PARK7: variants seen among roughly 807,000 people sequenced by gnomAD.
PARK7 encodes Parkinson disease protein 7.
A neutral mutation model predicts 20.5 loss-of-function variants in PARK7; 14 were observed. The ratio of observed to expected loss-of-function variants is 0.68; its 90% CI spans 0.45 to 1.07. The LOEUF is 1.07. Ranked by LOEUF, PARK7 falls within the 50% of genes least tolerant of loss-of-function variation. The pLI is 0.00. For missense variants in PARK7, 234 were observed against 238.1 expected (o/e 0.98, Z 0.11); for synonymous variants, 98 against 84.3 (o/e 1.16, Z -0.89).
chr1:7,978,293 G>A (rs1640629802), intron 6 of PARK7, among the ~76,000 whole-genome samples: 2 of 151,568 alleles, frequency 1.3e-5, no homozygotes, highest in South Asian at 4.2e-4. Flanking sequence ...ACCGCGCCCA[G>A]TCTCGAACTC....
chr1:7,964,485 C>G (rs1640285159), intron 2 of PARK7, among the ~76,000 whole-genome samples: 1 of 152,216 alleles, frequency 6.6e-6, no homozygotes, highest in Non-Finnish European at 1.5e-5. Context: ...TGGTGTTGCA[C>G]TGAATGCCAC....
chr1:7,970,449 G>A (rs191339340), intron 4 of PARK7, among the ~76,000 whole-genome samples: 366 of 152,320 alleles, frequency 2.4e-3, no homozygotes, highest in African/African-American at 8.4e-3. Context: ...TAAGTCGTAT[G>A]TGAGGAGTCA....
rs753966136 is a variant in PARK7, at chr1:7,970,877, G to T, written c.253-17G>T. ...CTTAATGATAACTTTATGTATTTTT[G>T]GTTTTCTTTTCACTAGTCTGCTGCT... On this transcript the variant is annotated splice_polypyrimidine_tract_variant and intron_variant, in intron 4 of 6. Coordinates refer to ENST00000338639, the MANE Select transcript of PARK7 (RefSeq NM_007262.5). 1.2e-6 allele frequency: 2 copies of T among 1,613,612 alleles called. No individual in the cohort carries two copies. The highest frequency in any genetic ancestry group is 2.7e-5 in the African/African-American group (2 of 74,896).
In PARK7 at chr1:7,985,227, G is replaced by T. The variant is rs1640796039; in HGVS notation, c.*173G>T. 1.2e-6 allele frequency: 1 copy of T among 852,480 alleles called. No individual in the cohort carries two copies. Among genetic ancestry groups the T allele is most frequent in the Admixed American group, 2.1e-5 (1 of 47,112 alleles). 52.8% of individuals were successfully genotyped at this position (852,480 alleles called of 1,614,324 possible). ...ACAGAGATTTCTCAGCCTACAAATT[G>T]TGTCTATACATTTCTAAGCCTTGTT... On this transcript the variant is annotated 3_prime_UTR_variant, in exon 7 of 7. Coordinates refer to ENST00000338639, the MANE Select transcript of PARK7 (RefSeq NM_007262.5).
chr1:7,969,452 A>G (rs776103438), intron 4 of PARK7, 48 bp downstream of exon 4: 75 of 1,242,154 alleles, frequency 6.0e-5, no homozygotes, highest in Middle Eastern at 5.8e-4. Context: ...GGGGGGGGGA[A>G]AAACTAAAGA....
intron 6 of PARK7, among the ~76,000 whole-genome samples, chr1:7,982,140 A>G (rs1640725445): frequency 6.7e-6 from 1 of 149,652 alleles, no homozygotes. Flanking sequence ...AGGCCCAGCT[A>G]ATTTTTGTAT....
chr1:7,981,257 G>A (rs976466465), intron 6 of PARK7, among the ~76,000 whole-genome samples: 2 of 152,184 alleles, frequency 1.3e-5, no homozygotes, highest in Non-Finnish European at 2.9e-5. Flanking sequence ...CCTGCTTCAG[G>A]ATTGTTGGTG....
intron 5 of PARK7, among the ~76,000 whole-genome samples, chr1:7,974,134 A>ACACCCCCCCCC (rs1553123768): frequency 7.7e-6 from 1 of 129,076 alleles, no homozygotes; most frequent in Non-Finnish European, 1.7e-5. Context: ...ACATAGTGAG[A>ACACCCCCCCCC]CCCCCCCACC....
chr1:7,963,742 C>T (rs1349210303), intron 2 of PARK7, among the ~76,000 whole-genome samples: 2 of 151,912 alleles, frequency 1.3e-5, no homozygotes, highest in Non-Finnish European at 2.9e-5. Context: ...TTGTAAATTT[C>T]TCCAATCCTA....
chr1:7,977,298 T>C (rs1400583940), intron 5 of PARK7, among the ~76,000 whole-genome samples: 1 of 152,228 alleles, frequency 6.6e-6, no homozygotes, highest in Non-Finnish European at 1.5e-5. Flanking sequence ...TAAATGGTTA[T>C]TGAAGTATTT....
intron 6 of PARK7, 76 bp downstream of exon 6, chr1:7,977,814 C>A: frequency 7.7e-7 from 1 of 1,298,426 alleles, no homozygotes; most frequent in Non-Finnish European, 1.1e-6. Context: ...GGCTGGAGTG[C>A]AGTGGCGTGA....
intron 6 of PARK7, among the ~76,000 whole-genome samples, chr1:7,982,640 C>T (rs971827408): frequency 4.6e-5 from 7 of 152,192 alleles, no homozygotes; most frequent in Admixed American, 4.6e-4. Flanking sequence ...AGTTGTGCCT[C>T]GCGTTGTCCC....
At chr1:7,965,250 C>CT (rs1040994963) in intron 2 of PARK7, 74 bp from the exon 3 acceptor site, 2,012 of 1,344,630 alleles carry the variant, frequency 1.5e-3, no homozygotes, top group Non-Finnish European at 1.8e-3. Context: ...TCTCTTTTTT[C>CT]TTTTTTTTTA....
Position 7,978,888 on chromosome 1 carries a change from T to G in PARK7, c.409+1150T>G, listed in dbSNP as rs900280665. ...AAGTTTCTTGTGTACCTGTAGAATT[T>G]TATCTATCACATACTCATTATCCTT... is the stretch of plus-strand genomic sequence containing the variant. On this transcript the variant is annotated intron_variant, in intron 6 of 6. Transcript: ENST00000338639. 3.9e-5 allele frequency among the ~76,000 whole-genome samples: 6 copies of G among 152,204 alleles called. No individual in the cohort carries two copies. In the South Asian group the frequency reaches 1.2e-3, roughly 32 times the overall value.
At position 7,984,902 on chromosome 1, in the gene PARK7, A is replaced by G. The variant is rs199728189; in HGVS notation, c.418A>G (p.Thr140Ala). The G allele has an allele frequency of 6.2e-7, 1 of 1,614,112 alleles. No individual in the cohort carries two copies. The highest frequency in any genetic ancestry group is 1.1e-5 in the South Asian group (1 of 91,080). The change falls in exon 7 of 7, where the codon ACC (threonine) becomes GCC (alanine). Residue 140 changes from threonine to alanine, a missense_variant. Coordinates refer to ENST00000338639, the MANE Select transcript of PARK7 (RefSeq NM_007262.5). This position sits in a 1 kb window ranked among gnomAD's most constrained non-coding sequence, Gnocchi z 4.3. ...CTGTTTCTACTTTGCAGGTCATTACACCTACTCTGAGAATCGTGTGGAAAA... is the reference window on the plus strand; with the variant it reads ...CTGTTTCTACTTTGCAGGTCATTACGCCTACTCTGAGAATCGTGTGGAAAA... ...KDKMMNGGHY[T>A]YSENRVEKDG...
chr1:7,969,221 A>T, intron 3 of PARK7, 124 bp from the exon 4 acceptor site: 1 of 737,444 alleles, frequency 1.4e-6, no homozygotes, highest in Non-Finnish European at 2.2e-6. Context: ...TAACTGTTCT[A>T]TTGGCAGATA....
At chr1:7,968,073 G>T (rs753549308) in intron 3 of PARK7, among the ~76,000 whole-genome samples, 28 of 152,000 alleles carry the variant, frequency 1.8e-4, no homozygotes, top group Admixed American at 2.6e-4. Flanking sequence ...ACTTTGGGAG[G>T]CCGAGATGGG....
At chr1:7,974,546 G>A (rs1202708533) in intron 5 of PARK7, among the ~76,000 whole-genome samples, 1 of 151,586 alleles carries the variant, frequency 6.6e-6, no homozygotes, top group Non-Finnish European at 1.5e-5. Context: ...GGAGAATGGT[G>A]TGAACCTGGG....
intron 3 of PARK7, among the ~76,000 whole-genome samples, chr1:7,967,752 T>C (rs985940386): frequency 6.6e-6 from 1 of 151,628 alleles, no homozygotes; most frequent in African/African-American, 2.4e-5. Flanking sequence ...AGACCCTGTC[T>C]CTACAAAAAT....
Sources: allele counts gnomAD v4.1 joint callset (sites outside exome capture counted in the v4.1 genomes callset), GRCh38; gene constraint gnomAD v4.1.1; non-coding constraint Gnocchi (gnomAD v3.1); transcripts MANE v1.5; gene names NCBI Gene and HGNC (gene_info 2026-07-23, HGNC 2026-07-21).